IFT80: variants seen among roughly 807,000 people sequenced by gnomAD.
The protein encoded by IFT80 is intraflagellar transport protein 80 homolog.
IFT80 carries 79 observed loss-of-function variants against 107.9 expected under a neutral mutation model. The ratio of observed to expected loss-of-function variants is 0.73; its 90% confidence interval spans 0.61 to 0.88. The LOEUF (loss-of-function observed/expected upper bound fraction) is 0.88, where lower values mean the gene tolerates loss of function less well. IFT80 is among the 40% of genes least tolerant of loss of function. The probability of loss-of-function intolerance (pLI) is 0.00; values close to 1 mark genes in which losing one functional copy is unlikely to be tolerated. For missense variants in IFT80, 797 were observed against 914.2 expected (o/e 0.87, Z 1.65); for synonymous variants, 299 against 300.9 (o/e 0.99, Z 0.07).
chr3:160,376,272 T>C lies in IFT80; in HGVS notation c.371-392A>G, dbSNP rs144442420. ...AGAGCTGCAGCCAAATTCCAGTGAG[T>C]TGGGGACTGAATGAAGTGAGGTAAT... On this transcript the variant is annotated intron_variant, in intron 4 of 19. Coordinates refer to ENST00000326448, the MANE Select transcript of IFT80 (RefSeq NM_020800.3). Among the ~76,000 whole-genome samples, 7 of 152,252 alleles carry C rather than the reference T, an allele frequency of 4.6e-5. No homozygotes were observed. The East Asian group carries it at 7.7e-4, about 17-fold the overall frequency.
intron 3 of IFT80, 41 bp downstream of exon 3, chr3:160,381,462 T>TA: frequency 6.9e-7 from 1 of 1,445,830 alleles, no homozygotes; most frequent in Non-Finnish European, 9.7e-7. Flanking sequence ...TTAAGTCTTT[T>TA]AAATACAATG....
chr3:160,366,465 T>C lies in IFT80; in HGVS notation c.440-313A>G, dbSNP rs76910271. ...TGAAATACATAAGATAAAATAAATA[T>C]ACTTCATTTTTAATATATAAAGAAA... is the stretch of plus-strand genomic sequence containing the variant. On this transcript the variant is annotated intron_variant, in intron 5 of 19. Transcript: ENST00000326448. Among the ~76,000 whole-genome samples the C allele has an allele frequency of 1.0e-3, 158 of 152,188 alleles. 1 individual carries two copies. The highest frequency in any genetic ancestry group is 2.8e-3 in the Admixed American group (42 of 15,250).
At chr3:160,284,239 G>A (rs1194688889) in intron 13 of IFT80, among the ~76,000 whole-genome samples, 1 of 151,754 alleles carries the variant, frequency 6.6e-6, no homozygotes, top group East Asian at 1.9e-4. Context: ...TGTAAATTAG[G>A]AAATTCTTAC....
intron 8 of IFT80, among the ~76,000 whole-genome samples, chr3:160,338,425 G>C (rs1424542050): frequency 6.6e-6 from 1 of 152,090 alleles, no homozygotes; most frequent in Non-Finnish European, 1.5e-5. Flanking sequence ...TTGCATCTAG[G>C]AGTTCAAGAC....
intron 9 of IFT80, among the ~76,000 whole-genome samples, chr3:160,314,700 C>G (rs1282905092): frequency 1.3e-5 from 2 of 152,168 alleles, no homozygotes; most frequent in South Asian, 2.1e-4. Context: ...AATCCTGTGA[C>G]TCCACCTTGC....
intron 10 of IFT80, 122 bp downstream of exon 10, chr3:160,307,541 G>T: frequency 1.3e-6 from 1 of 744,526 alleles, no homozygotes. Flanking sequence ...GGTAGTTCAG[G>T]ATAGCTGAGG....
chr3:160,335,474 G>C (rs755742584), intron 8 of IFT80, among the ~76,000 whole-genome samples: 1 of 151,720 alleles, frequency 6.6e-6, no homozygotes, highest in Admixed American at 6.6e-5. Context: ...CACTCGCCTC[G>C]GCCTCCCAAA....
intron 3 of IFT80, among the ~76,000 whole-genome samples, chr3:160,378,834 G>A (rs1712247613): frequency 6.6e-6 from 1 of 151,942 alleles, no homozygotes; most frequent in Non-Finnish European, 1.5e-5. Flanking sequence ...CTCTTCCTTG[G>A]AGTAGAATAC....
At chr3:160,282,890 G>A (rs942769748) in intron 13 of IFT80, among the ~76,000 whole-genome samples, 3 of 151,996 alleles carry the variant, frequency 2.0e-5, no homozygotes, top group African/African-American at 4.8e-5. Flanking sequence ...AGAAACACTC[G>A]ATCTGTCCTG....
chr3:160,325,174 A>G (rs1447757044), intron 8 of IFT80, among the ~76,000 whole-genome samples: 2 of 152,000 alleles, frequency 1.3e-5, no homozygotes, highest in Non-Finnish European at 2.9e-5. Flanking sequence ...ATGGGTAGGA[A>G]GAATCAATAT....
chr3:160,345,533 A>C (rs895119045), intron 8 of IFT80, among the ~76,000 whole-genome samples: 4 of 152,004 alleles, frequency 2.6e-5, no homozygotes, highest in South Asian at 4.1e-4. Context: ...ACTAAAAAAA[A>C]CACAAAACTT....
intron 8 of IFT80, among the ~76,000 whole-genome samples, chr3:160,326,242 T>C (rs376010357): frequency 1.6e-4 from 25 of 152,166 alleles, no homozygotes; most frequent in African/African-American, 5.5e-4. Context: ...AGAATAAGTC[T>C]TTAATAGTTA....
At chr3:160,364,297 A>T (rs1721704591) in intron 6 of IFT80, among the ~76,000 whole-genome samples, 1 of 152,224 alleles carries the variant, frequency 6.6e-6, no homozygotes, top group South Asian at 2.1e-4. Context: ...TCAAAACCAC[A>T]ATGAGATACC....
At chr3:160,339,030 C>T (rs1399497383) in intron 8 of IFT80, among the ~76,000 whole-genome samples, 1 of 152,114 alleles carries the variant, frequency 6.6e-6, no homozygotes, top group Non-Finnish European at 1.5e-5. Flanking sequence ...TAACTCAAAA[C>T]AGTGTCTTGG....
chr3:160,394,391 T>G (rs573348572), intron 1 of IFT80: 3 of 152,288 alleles, frequency 2.0e-5, no homozygotes, highest in African/African-American at 7.2e-5. Context: ...CATTCAAGGC[T>G]GTCCTGGGCC....
At chr3:160,387,733 G>C (rs1713051120) in intron 1 of IFT80, among the ~76,000 whole-genome samples, 1 of 152,110 alleles carries the variant, frequency 6.6e-6, no homozygotes, top group South Asian at 2.1e-4. Context: ...GTGGGAAGTT[G>C]GAGTTGCAGA....
intron 9 of IFT80, among the ~76,000 whole-genome samples, chr3:160,311,746 A>G (rs1403685921): frequency 6.6e-6 from 1 of 152,132 alleles, no homozygotes; most frequent in Non-Finnish European, 1.5e-5. Context: ...AGGCTGGAGG[A>G]AAAACACTGC....
chr3:160,396,231 C>T (rs1448253709), intron 1 of IFT80, among the ~76,000 whole-genome samples: 5 of 151,980 alleles, frequency 3.3e-5, no homozygotes, highest in Non-Finnish European at 2.9e-5. Context: ...CATTAATATA[C>T]CAAGGTGCTT....
At chr3:160,351,455 G>C (rs1419600041) in intron 8 of IFT80, among the ~76,000 whole-genome samples, 1 of 148,640 alleles carries the variant, frequency 6.7e-6, no homozygotes, top group Non-Finnish European at 1.5e-5. Context: ...AACTGGAATT[G>C]CTGGGTTAAA....
Sources: gnomAD v4.1 joint callset for allele counts (sites outside exome capture counted in the v4.1 genomes callset) on GRCh38, gnomAD v4.1.1 for gene constraint, MANE v1.5 for transcripts, NCBI Gene and HGNC (gene_info 2026-07-23, HGNC 2026-07-21) for gene names.